The following PLGRKT variants were observed in gnomAD, a reference collection of about 807,000 sequenced individuals.
PLGRKT encodes the protein plasminogen receptor (KT).
PLGRKT carries 22 observed loss-of-function variants against 18.5 expected under a neutral mutation model. The ratio of observed to expected loss-of-function variants is 1.19; its 90% confidence interval spans 0.85 to 1.70. The LOEUF is 1.70. Ranked by LOEUF, PLGRKT falls within the 40% of genes most tolerant of loss-of-function variation. The pLI is 0.00. For missense variants in PLGRKT, 235 were observed against 174.4 expected (o/e 1.35, Z -1.96); for synonymous variants, 72 against 52.8 (o/e 1.36, Z -1.58).
At chr9:5,436,721 T>C (rs1441743469) in intron 1 of PLGRKT, 27 bp from the exon 2 acceptor site, 2 of 152,188 alleles carry the variant, frequency 1.3e-5, no homozygotes, top group Admixed American at 6.5e-5. Flanking sequence ...GCATCACACC[T>C]TGTAAATTTC....
intron 5 of PLGRKT, among the ~76,000 whole-genome samples, chr9:5,360,106 C>T (rs1157831377): frequency 6.6e-6 from 1 of 152,080 alleles, no homozygotes; most frequent in Non-Finnish European, 1.5e-5. Context: ...ACAATTGTTT[C>T]CTTCAAGACA....
At chr9:5,385,274 T>C (rs985986327) in intron 3 of PLGRKT, among the ~76,000 whole-genome samples, 8 of 152,040 alleles carry the variant, frequency 5.3e-5, no homozygotes, top group African/African-American at 1.9e-4. Flanking sequence ...TTCATAACTT[T>C]CCCAATGTTT....
At chr9:5,380,966 G>C (rs1042625426) in intron 3 of PLGRKT, among the ~76,000 whole-genome samples, 2 of 152,130 alleles carry the variant, frequency 1.3e-5, no homozygotes, top group African/African-American at 4.8e-5. Context: ...AGACCTGATG[G>C]TTTAAAAGTG....
intron 3 of PLGRKT, among the ~76,000 whole-genome samples, chr9:5,395,888 G>GTTTTT (rs201547310): frequency 3.1e-5 from 4 of 129,780 alleles, no homozygotes; most frequent in Non-Finnish European, 6.4e-5. Context: ...TAACCTAACA[G>GTTTTT]TTTTTTTTTT....
At position 5,390,953 on chromosome 9, in the gene PLGRKT, T is replaced by C. The variant is rs572028922; in HGVS notation, c.82-29065A>G. Among the ~76,000 whole-genome samples, 45 of 151,942 alleles carry C rather than the reference T, an allele frequency of 3.0e-4. 1 individual carries two copies. The highest frequency in any genetic ancestry group is 6.2e-4 in the South Asian group (3 of 4,828). On this transcript the variant is annotated intron_variant, in intron 3 of 5. Coordinates refer to ENST00000223864, the MANE Select transcript of PLGRKT (RefSeq NM_018465.4). ...ATTATAATAAGGGGGACATTAGTGG[T>C]TGGTTTTGGGTTTTCTTGTTTTTTG...
chr9:5,384,409 A>G (rs544491009), intron 3 of PLGRKT, among the ~76,000 whole-genome samples: 3 of 152,236 alleles, frequency 2.0e-5, no homozygotes, highest in Non-Finnish European at 2.9e-5. Flanking sequence ...TTCCATTAGT[A>G]AAGAAGAAAA....
chr9:5,410,658 T>C (rs1340385211), intron 3 of PLGRKT, among the ~76,000 whole-genome samples: 1 of 152,252 alleles, frequency 6.6e-6, no homozygotes, highest in African/African-American at 2.4e-5. Flanking sequence ...AATGAATTAA[T>C]TTGTTCATAC....
rs530528610 is a variant in PLGRKT at position 5,375,357 on chromosome 9, G to C, written c.82-13469C>G. ...GAGGAGCCACAGAAATGACAGGATG[G>C]TGGAAAGGAAAATGCATGAGCTTCC... On this transcript the variant is annotated intron_variant, in intron 3 of 5. Transcript: ENST00000223864. Among the ~76,000 whole-genome samples, 38 of 152,250 alleles carry C rather than the reference G, an allele frequency of 2.5e-4. No homozygotes were observed. The South Asian group carries it at 3.3e-3, about 13-fold the overall frequency.
At chr9:5,414,464 GTATCTTTTT>G (rs1261616080) in intron 3 of PLGRKT, among the ~76,000 whole-genome samples, 1 of 152,110 alleles carries the variant, frequency 6.6e-6, no homozygotes, top group Admixed American at 6.5e-5. Context: ...TACCGTGAAT[GTATCTTTTT>G]TATATAGCTT....
chr9:5,367,781 A>G (rs1480187386), intron 3 of PLGRKT, among the ~76,000 whole-genome samples: 1 of 152,168 alleles, frequency 6.6e-6, no homozygotes, highest in Non-Finnish European at 1.5e-5. Flanking sequence ...AACAACAACA[A>G]AACTATCAAC....
At chr9:5,401,011 T>G (rs527841352) in intron 3 of PLGRKT, among the ~76,000 whole-genome samples, 1 of 152,044 alleles carries the variant, frequency 6.6e-6, no homozygotes, top group African/African-American at 2.4e-5. Context: ...GATCTTAAGA[T>G]AGTTGGCTTA....
rs149991273 is a variant in PLGRKT at position 5,389,387 on chromosome 9, C to T, written c.82-27499G>A. Reference sequence around the variant, plus strand: ...CACAGCATGGTCTTGTCTGATGGTGCTGATCTATGAAATTGTTTATGTTCT... The same window carrying T: ...CACAGCATGGTCTTGTCTGATGGTGTTGATCTATGAAATTGTTTATGTTCT... On this transcript the variant is annotated intron_variant, in intron 3 of 5. Coordinates refer to ENST00000223864, the MANE Select transcript of PLGRKT (RefSeq NM_018465.4). Among the ~76,000 whole-genome samples the T allele has an allele frequency of 4.6e-5, 7 of 151,950 alleles. No individual in the cohort carries two copies. The East Asian group carries it at 1.4e-3, about 29-fold the overall frequency.
intron 2 of PLGRKT, among the ~76,000 whole-genome samples, chr9:5,435,387 T>G (rs1005990228): frequency 4.0e-5 from 6 of 150,806 alleles, no homozygotes; most frequent in African/African-American, 1.5e-4. Flanking sequence ...ATTCTTCCTG[T>G]CATCCCACCA....
intron 3 of PLGRKT, among the ~76,000 whole-genome samples, chr9:5,421,072 G>A (rs150684871): frequency 0.014 from 2,140 of 152,204 alleles, 48 homozygotes; most frequent in African/African-American, 0.049. Flanking sequence ...GGCTTCCCAC[G>A]TCACTCAGAA....
intron 3 of PLGRKT, among the ~76,000 whole-genome samples, chr9:5,419,336 C>G (rs952403207): frequency 3.9e-5 from 6 of 152,192 alleles, no homozygotes; most frequent in Non-Finnish European, 7.3e-5. Flanking sequence ...ATGATGACAT[C>G]AAGTGGAAAT....
chr9:5,371,791 T>C (rs1817522248), intron 3 of PLGRKT, among the ~76,000 whole-genome samples: 1 of 152,048 alleles, frequency 6.6e-6, no homozygotes, highest in African/African-American at 2.4e-5. Context: ...TTTTCATTTA[T>C]CCTGTATTTC....
chr9:5,423,096 C>T (rs1004457280), intron 3 of PLGRKT, among the ~76,000 whole-genome samples: 1 of 152,136 alleles, frequency 6.6e-6, no homozygotes, highest in African/African-American at 2.4e-5. Flanking sequence ...TCTGCTGGCA[C>T]TTAGAAAACA....
At chr9:5,426,544 T>A (rs1287367269) in intron 3 of PLGRKT, among the ~76,000 whole-genome samples, 1 of 152,194 alleles carries the variant, frequency 6.6e-6, no homozygotes, top group African/African-American at 2.4e-5. Flanking sequence ...GGGTCTATAT[T>A]CCCCTGTTCA....
At chr9:5,367,121 A>G (rs1817410880) in intron 3 of PLGRKT, among the ~76,000 whole-genome samples, 1 of 151,948 alleles carries the variant, frequency 6.6e-6, no homozygotes, top group Admixed American at 6.6e-5. Flanking sequence ...AGAACATTCC[A>G]CGCTCATGAA....
Sources: allele counts gnomAD v4.1 joint callset (sites outside exome capture counted in the v4.1 genomes callset), GRCh38; gene constraint gnomAD v4.1.1; transcripts MANE v1.5; gene names NCBI Gene and HGNC (gene_info 2026-07-23, HGNC 2026-07-21).